The following SOX5 variants were observed in gnomAD, a reference collection of about 807,000 sequenced individuals.
The protein encoded by SOX5 is SRY-box transcription factor 5.
Under a neutral mutation model 92.0 loss-of-function variants are expected in SOX5, and 9 were observed. That is an observed-to-expected ratio of 0.10 (90% CI 0.06 to 0.17). The LOEUF is 0.17. Ranked by LOEUF, SOX5 falls within the 10% of genes least tolerant of loss-of-function variation. SOX5 has a pLI of 1.00. For synonymous variants in SOX5, 344 were observed against 336.3 expected, an observed-to-expected ratio of 1.02 and a Z score of -0.25; for missense variants, 642 against 944.5, an observed-to-expected ratio of 0.68 and a Z score of 4.20.
rs191987590 is a variant in SOX5, at chr12:23,766,035, C to T, written c.482-10311G>A. Among the ~76,000 whole-genome samples the T allele has an allele frequency of 4.0e-3, 604 of 152,186 alleles. 5 individuals are homozygous for T. Among genetic ancestry groups the T allele is most frequent in the African/African-American group, 0.013 (546 of 41,538 alleles). On this transcript the variant is annotated intron_variant, in intron 3 of 14. Coordinates refer to ENST00000451604, the MANE Select transcript of SOX5 (RefSeq NM_006940.6). Reference sequence around the variant, plus strand: ...GTTTTCCAAATGTTTCATTTATTGACGCAAAATTAGAACTAACGATGCCTT... The same window carrying T: ...GTTTTCCAAATGTTTCATTTATTGATGCAAAATTAGAACTAACGATGCCTT...
intron 2 of SOX5, among the ~76,000 whole-genome samples, chr12:24,278,875 C>CTT (rs11357779): frequency 9.9e-5 from 14 of 141,068 alleles, no homozygotes; most frequent in African/African-American, 1.8e-4. Context: ...ACAAACTCCA[C>CTT]TTTTTTTTTT....
At chr12:23,778,482 A>G (rs985883747) in intron 3 of SOX5, among the ~76,000 whole-genome samples, 5 of 152,230 alleles carry the variant, frequency 3.3e-5, no homozygotes, top group African/African-American at 1.2e-4. Context: ...TTCAAAAGCC[A>G]AAAGAAGTTT....
intron 4 of SOX5, among the ~76,000 whole-genome samples, chr12:23,754,566 A>G (rs2094302338): frequency 6.6e-6 from 1 of 151,800 alleles, no homozygotes; most frequent in African/African-American, 2.4e-5. Context: ...CATAGCCTAA[A>G]TACATGTAAT....
intron 2 of SOX5, among the ~76,000 whole-genome samples, chr12:23,888,802 T>C (rs2097098599): frequency 6.6e-6 from 1 of 152,232 alleles, no homozygotes; most frequent in Non-Finnish European, 1.5e-5. Context: ...AGAATAATGT[T>C]TGTAACAATG....
At chr12:23,965,281 A>G (rs959388061) in intron 4 of SOX5, among the ~76,000 whole-genome samples, 1 of 152,204 alleles carries the variant, frequency 6.6e-6, no homozygotes, top group African/African-American at 2.4e-5. Context: ...AAGAATGACC[A>G]TGTGTCTGGG....
intron 1 of SOX5, among the ~76,000 whole-genome samples, chr12:24,428,726 CAAAAAAAAAAA>C (rs57964050): frequency 8.5e-3 from 277 of 32,584 alleles, no homozygotes; most frequent in Middle Eastern, 0.042. Context: ...CTCTGTTTCT[CAAAAAAAAAAA>C]AAAAAAAAAA....
rs1595039629 is a variant in SOX5 at position 24,273,331 on chromosome 12, T to G, written c.-77+3885A>C. Among the ~76,000 whole-genome samples the G allele has an allele frequency of 3.9e-5, 6 of 152,316 alleles. No individual in the cohort carries two copies. In the South Asian group the frequency reaches 1.2e-3, roughly 32 times the overall value. On this transcript the variant is annotated intron_variant, in intron 3 of 4. Transcript: ENST00000446891. ...ATCTTGGTCAAGATTTTGCTTTTGC[T>G]TTATAGGACGATTTTTGATTACTGA...
At chr12:24,492,812 G>T (rs1038112896) in intron 1 of SOX5, among the ~76,000 whole-genome samples, 2 of 152,074 alleles carry the variant, frequency 1.3e-5, no homozygotes, top group Admixed American at 6.6e-5. Flanking sequence ...AAGGTCTCAG[G>T]TGTTAGGTTT....
rs567696025 is a variant in SOX5 at position 24,084,707 on chromosome 12, A to G, written c.-2+128636T>C. On this transcript the variant is annotated intron_variant, in intron 4 of 4. Coordinates refer to the SOX5 transcript ENST00000446891. ...GTTTCAAAAGTGGTGCTCCTCATGCAGTTTCTAATCATCTTCTCCCTCCCA... is the reference window on the plus strand; with the variant it reads ...GTTTCAAAAGTGGTGCTCCTCATGCGGTTTCTAATCATCTTCTCCCTCCCA... Among the ~76,000 whole-genome samples, 4 of 152,156 alleles carry G rather than the reference A, an allele frequency of 2.6e-5. No homozygotes were observed. The South Asian group carries it at 8.3e-4, about 32-fold the overall frequency.
chr12:24,537,995 C>T (rs2138749785), intron 1 of SOX5, among the ~76,000 whole-genome samples: 1 of 152,280 alleles, frequency 6.6e-6, no homozygotes, highest in African/African-American at 2.4e-5. Context: ...CGATGTAAGA[C>T]AAACAGGAAT....
intron 1 of SOX5, among the ~76,000 whole-genome samples, chr12:23,901,107 T>C (rs1377190102): frequency 6.6e-6 from 1 of 152,180 alleles, no homozygotes; most frequent in East Asian, 1.9e-4. Flanking sequence ...GAGATTATTC[T>C]GAATATTGTT....
chr12:23,735,286 A>ATT (rs200399825), intron 5 of SOX5, among the ~76,000 whole-genome samples: 1 of 151,052 alleles, frequency 6.6e-6, no homozygotes, highest in African/African-American at 2.4e-5. Context: ...TTCTGTTTCC[A>ATT]TTTTTTTTTA....
chr12:23,908,729 CGAT>C (rs1158620126), intron 1 of SOX5, among the ~76,000 whole-genome samples: 1 of 151,910 alleles, frequency 6.6e-6, no homozygotes, highest in African/African-American at 2.4e-5. Flanking sequence ...GTGCCAAAGA[CGAT>C]GAGCATCTAT....
intron 2 of SOX5, among the ~76,000 whole-genome samples, chr12:23,873,377 G>C (rs2096894906): frequency 6.6e-6 from 1 of 152,164 alleles, no homozygotes; most frequent in East Asian, 1.9e-4. Flanking sequence ...GGAGGCAGAG[G>C]TGTGAGAATC....
At chr12:23,982,410 G>A (rs1949657601) in intron 4 of SOX5, among the ~76,000 whole-genome samples, 1 of 152,128 alleles carries the variant, frequency 6.6e-6, no homozygotes, top group Admixed American at 6.6e-5. Context: ...TTCTTTTTGT[G>A]TAAGTATATG....
chr12:24,466,977 T>G (rs1384274949), intron 1 of SOX5, among the ~76,000 whole-genome samples: 1 of 152,228 alleles, frequency 6.6e-6, no homozygotes, highest in African/African-American at 2.4e-5. Flanking sequence ...GCATTCTGTT[T>G]CCTAAAACCA....
At chr12:24,075,277 T>TTAAA (rs1491286853) in intron 4 of SOX5, among the ~76,000 whole-genome samples, 10 of 75,790 alleles carry the variant, frequency 1.3e-4, no homozygotes, top group Admixed American at 1.7e-4. Flanking sequence ...CTCAAATTAT[T>TTAAA]AAAAAAAAAA....
chr12:23,918,925 G>GAA (rs111430391), intron 1 of SOX5, among the ~76,000 whole-genome samples: 30 of 126,680 alleles, frequency 2.4e-4, no homozygotes, highest in Middle Eastern at 4.1e-3. Flanking sequence ...TCAAAAAAAA[G>GAA]AAAAAAAAAG....
Position 23,697,188 on chromosome 12 carries a change from T to C in SOX5, c.811-31624A>G, listed in dbSNP as rs373754054. ...GGATTATTGAAATATCCAACTGTAA[T>C]TGTAGACTTCTCATGTTAATTTTAT... On this transcript the variant is annotated intron_variant, in intron 6 of 14. Transcript: ENST00000451604. Among the ~76,000 whole-genome samples, 18 of 152,332 alleles carry C rather than the reference T, an allele frequency of 1.2e-4. No individual in the cohort carries two copies. The East Asian group carries it at 3.3e-3, about 28-fold the overall frequency.
Sources: gnomAD v4.1 joint callset for allele counts (sites outside exome capture counted in the v4.1 genomes callset) on GRCh38, gnomAD v4.1.1 for gene constraint, MANE v1.5 for transcripts, NCBI Gene and HGNC (gene_info 2026-07-23, HGNC 2026-07-21) for gene names.